RIMS2: variants seen among roughly 807,000 people sequenced by gnomAD.
RIMS2 encodes the protein regulating synaptic membrane exocytosis protein 2.
RIMS2 carries 59 observed loss-of-function variants against 174.4 expected under a neutral mutation model. That is an observed-to-expected ratio of 0.34 (90% CI 0.27 to 0.42). The LOEUF is 0.42. Ranked by LOEUF, RIMS2 falls within the 10% of genes least tolerant of loss-of-function variation. RIMS2 has a pLI of 1.00. For missense variants in RIMS2, 1,620 were observed against 1,666.3 expected, an observed-to-expected ratio of 0.97 and a Z score of 0.48; for synonymous variants, 606 against 572.5, an observed-to-expected ratio of 1.06 and a Z score of -0.84.
At chr8:103,702,983 TTG>T (rs1320875172) in intron 2 of RIMS2, among the ~76,000 whole-genome samples, 12 of 134,382 alleles carry the variant, frequency 8.9e-5, no homozygotes, top group Non-Finnish European at 1.6e-4. Flanking sequence ...TTTTGTGAGT[TTG>T]TTTTTTTTTT....
At chr8:103,735,137 C>T (rs2097669553) in intron 2 of RIMS2, among the ~76,000 whole-genome samples, 1 of 152,188 alleles carries the variant, frequency 6.6e-6, no homozygotes, top group African/African-American at 2.4e-5. Flanking sequence ...CCTCTTCTCA[C>T]TGCTCTGTTA....
downstream of RIMS2, chr8:104,255,707 A>C (rs963774961): frequency 6.6e-6 from 1 of 152,224 alleles, no homozygotes; most frequent in Non-Finnish European, 1.5e-5. Flanking sequence ...CGTAAAAATC[A>C]TGTGCTCAAT....
intron 19 of RIMS2, among the ~76,000 whole-genome samples, chr8:104,190,935 G>GTTTTTTTTTTTTTTT (rs57373743): frequency 6.9e-6 from 1 of 144,518 alleles, no homozygotes; most frequent in Non-Finnish European, 1.5e-5. Context: ...CTCTTTTTTT[G>GTTTTTTTTTTTTTTT]TTTTTTTTTT....
chr8:103,603,173 G>T (rs2094849672), intron 1 of RIMS2, among the ~76,000 whole-genome samples: 1 of 121,566 alleles, frequency 8.2e-6, no homozygotes, highest in Non-Finnish European at 1.6e-5. Context: ...ACAGTCCCCA[G>T]AGTGTGATAT....
intron 19 of RIMS2, among the ~76,000 whole-genome samples, chr8:104,191,206 A>T (rs2098996073): frequency 6.6e-6 from 1 of 152,080 alleles, no homozygotes; most frequent in South Asian, 2.1e-4. Context: ...TGGGTTTCTC[A>T]GCGCAGTGAA....
At position 103,841,954 on chromosome 8, in the gene RIMS2, C is replaced by CA. The variant is rs1554878385; in HGVS notation, c.699-43339dup. Among the ~76,000 whole-genome samples the CA allele has an allele frequency of 7.8e-5, 11 of 141,210 alleles. No homozygotes were observed. The Admixed American group carries it at 7.9e-4, about 10-fold the overall frequency. 92.6% of individuals were successfully genotyped at this position (141,210 alleles called of 152,430 possible). The stretch of plus-strand genomic sequence containing the variant: ...TGGGCGACAAAGCGAGACTCCGTCT[C>CA]AAAAAGAAAAAAGAAAAAAAAAAGA... On this transcript the variant is annotated intron_variant, in intron 3 of 23. Transcript: ENST00000504942.
chr8:103,909,869 GC>G (rs2075299704), intron 4 of RIMS2, among the ~76,000 whole-genome samples: 1 of 151,620 alleles, frequency 6.6e-6, no homozygotes, highest in East Asian at 1.9e-4. Flanking sequence ...TTTATTATTA[GC>G]TTTTTCTCTT....
At chr8:103,947,800 T>C (rs975775051) in intron 14 of RIMS2, among the ~76,000 whole-genome samples, 8 of 152,134 alleles carry the variant, frequency 5.3e-5, no homozygotes, top group Non-Finnish European at 8.8e-5. Flanking sequence ...AAAGTAATTA[T>C]ACTGTGACAT....
chr8:104,052,474 A>G lies in RIMS2; in HGVS notation c.3334+37859A>G, dbSNP rs568816023. 2.7e-4 allele frequency among the ~76,000 whole-genome samples: 41 copies of G among 152,298 alleles called. 1 individual carries two copies. In the Middle Eastern group the frequency reaches 0.01, roughly 38 times the overall value. On this transcript the variant is annotated intron_variant, in intron 19 of 23. Coordinates refer to ENST00000504942, the Ensembl canonical transcript of RIMS2. ...CTCAAAGTGAAAGGACAAGATGACT[A>G]AGGGGTTTAGCTAGAAATCAAAGAA...
intron 1 of RIMS2, among the ~76,000 whole-genome samples, chr8:103,621,871 A>T (rs2095643213): frequency 6.6e-6 from 1 of 152,202 alleles, no homozygotes; most frequent in African/African-American, 2.4e-5. Context: ...ACTGAAATTA[A>T]TTCTCTATTG....
At chr8:103,999,530 T>C (rs2095293620) in intron 17 of RIMS2, among the ~76,000 whole-genome samples, 1 of 151,782 alleles carries the variant, frequency 6.6e-6, no homozygotes, top group South Asian at 2.1e-4. Context: ...TCAGTAATTA[T>C]ACATTTACCT....
intron 2 of RIMS2, among the ~76,000 whole-genome samples, chr8:103,751,041 T>C (rs2097882898): frequency 6.6e-6 from 1 of 152,114 alleles, no homozygotes; most frequent in South Asian, 2.1e-4. Context: ...TTGCATAAGC[T>C]CTCTTCTCTT....
chr8:103,720,547 T>A (rs1440178569), intron 2 of RIMS2, among the ~76,000 whole-genome samples: 1 of 152,182 alleles, frequency 6.6e-6, no homozygotes, highest in African/African-American at 2.4e-5. Context: ...TATAACAGTC[T>A]GTCATAGCAA....
At chr8:103,843,948 A>G (rs1354668469) in intron 3 of RIMS2, among the ~76,000 whole-genome samples, 2 of 152,146 alleles carry the variant, frequency 1.3e-5, no homozygotes, top group African/African-American at 4.8e-5. Context: ...GAGGTAATTG[A>G]ATTGTGGAGG....
At chr8:103,753,918 C>T (rs1461809399) in intron 2 of RIMS2, among the ~76,000 whole-genome samples, 1 of 152,098 alleles carries the variant, frequency 6.6e-6, no homozygotes, top group African/African-American at 2.4e-5. Flanking sequence ...TTTTTTGTGT[C>T]TCTATCTCCT....
intron 1 of RIMS2, among the ~76,000 whole-genome samples, chr8:103,530,854 G>A (rs1726074824): frequency 6.6e-6 from 1 of 151,906 alleles, no homozygotes; most frequent in African/African-American, 2.4e-5. Context: ...GGGAGGCAGG[G>A]GCTAGAACTG....
intron 4 of RIMS2, among the ~76,000 whole-genome samples, chr8:103,900,697 A>C (rs971523147): frequency 6.6e-6 from 1 of 152,112 alleles, no homozygotes; most frequent in African/African-American, 2.4e-5. Context: ...AATAGTTCTT[A>C]AAATGTGTGG....
intron 19 of RIMS2, among the ~76,000 whole-genome samples, chr8:104,133,140 G>T (rs2098486343): frequency 6.6e-6 from 1 of 152,172 alleles, no homozygotes. Context: ...TAACCTTTCT[G>T]CCCTTCATGT....
At chr8:103,872,058 GACA>G (rs2099114912) in intron 3 of RIMS2, among the ~76,000 whole-genome samples, 1 of 152,054 alleles carries the variant, frequency 6.6e-6, no homozygotes, top group Non-Finnish European at 1.5e-5. Context: ...GTAAATATTT[GACA>G]ACAAGCTTAC....
Sources: allele counts gnomAD v4.1 joint callset (sites outside exome capture counted in the v4.1 genomes callset), GRCh38; gene constraint gnomAD v4.1.1; transcripts MANE v1.5; gene names NCBI Gene and HGNC (gene_info 2026-07-23, HGNC 2026-07-21).